Variants in BUB1B observed in about 807,000 individuals in gnomAD.
BUB1B encodes mitotic checkpoint serine/threonine-protein kinase BUB1 beta.
A neutral mutation model predicts 137.7 loss-of-function variants in BUB1B; 86 were observed. That is an observed-to-expected ratio of 0.62 (90% confidence interval 0.52 to 0.75). BUB1B has a LOEUF of 0.75. BUB1B is among the 30% of genes least tolerant of loss of function. The pLI, the probability that BUB1B is intolerant of heterozygous loss-of-function variation, is 0.00. For missense variants in BUB1B, 1,130 were observed against 1,236.9 expected (o/e 0.91, Z 1.30); for synonymous variants, 420 against 417.9 (o/e 1.00, Z -0.06).
Position 40,196,672 on chromosome 15 carries a change from A to G in BUB1B, c.1186A>G (p.Met396Val). The change falls in exon 9 of 23, where the codon ATG becomes GTG. Residue 396 changes from methionine to valine, a missense_variant. Coordinates refer to ENST00000287598, the MANE Select transcript of BUB1B (RefSeq NM_001211.6). ...AGCGTCTGAGGAGAAGAAAGAGAAG[A>G]TGATGTATTGTAAGGAGAAGATTTA... is the stretch of plus-strand genomic sequence containing the variant. Reference protein sequence around the residue: ...QQASEEKKEKMMYCKEKIYAG... With the variant: ...QQASEEKKEKVMYCKEKIYAG... The G allele has an allele frequency of 6.2e-7, 1 of 1,614,060 alleles. No individual in the cohort carries two copies. The highest frequency in any genetic ancestry group is 8.5e-7 in the Non-Finnish European group (1 of 1,179,940).
At chr15:40,192,847 C>T (rs1161494197) in intron 8 of BUB1B, among the ~76,000 whole-genome samples, 9 of 152,122 alleles carry the variant, frequency 5.9e-5, no homozygotes, top group African/African-American at 2.2e-4. Context: ...TTGCGGTAGA[C>T]ATTCATGTGC....
At chr15:40,186,662 G>A (rs1483937054) in intron 8 of BUB1B, among the ~76,000 whole-genome samples, 1 of 150,438 alleles carries the variant, frequency 6.6e-6, no homozygotes, top group Non-Finnish European at 1.5e-5. Flanking sequence ...AGCCAGGATG[G>A]TCTCGATCTC....
rs1457745893 is a variant in BUB1B at position 40,185,271 on chromosome 15, G to T, written c.858G>T (p.Glu286Asp). 6.2e-7 allele frequency: 1 copy of T among 1,614,174 alleles called. No homozygotes were observed. Among genetic ancestry groups the T allele is most frequent in the Admixed American group, 1.7e-5 (1 of 60,026 alleles). ...DENADEASTA[E>D]LSKPTVQPWI... ...ATGCTGATGAGGCTTCTACAGCAGA[G>T]TTGTCTAAGCCTACAGTCCAGCCAT... Residue 286 changes from glutamate to aspartate, a missense_variant, in exon 7 of 23, where the codon GAG becomes GAT. By Grantham distance (45) the Glu-to-Asp change is conservative. Transcript: ENST00000287598.
Position 40,161,074 on chromosome 15 carries a change from C to T in BUB1B, c.-147C>T, listed in dbSNP as rs566995979. The stretch of plus-strand genomic sequence containing the variant: ...GAAACTTGGCGGCTAGGGGTGTGGG[C>T]TTGAGGTGGCCGGTTTGTTAGGGAG... On this transcript the variant is annotated 5_prime_UTR_variant, in exon 1 of 23. Coordinates refer to ENST00000287598, the MANE Select transcript of BUB1B (RefSeq NM_001211.6). 17 of 1,071,820 alleles carry T rather than the reference C, an allele frequency of 1.6e-5. No homozygotes were observed. The South Asian group carries it at 2.1e-4, about 13-fold the overall frequency. 66.4% of individuals were successfully genotyped at this position (1,071,820 alleles called of 1,614,324 possible). A position where few individuals can be genotyped will look rare whatever the true frequency, so the allele number is the denominator to read the frequency against.
At chr15:40,197,514 A>G (rs577220602) in intron 9 of BUB1B, among the ~76,000 whole-genome samples, 1 of 152,326 alleles carries the variant, frequency 6.6e-6, no homozygotes, top group South Asian at 2.1e-4. Context: ...GTCCACTTCC[A>G]TTTAGACATT....
intron 4 of BUB1B, among the ~76,000 whole-genome samples, chr15:40,172,853 A>G (rs2037180167): frequency 6.6e-6 from 1 of 152,258 alleles, no homozygotes; most frequent in Non-Finnish European, 1.5e-5. Context: ...GAAACTTATA[A>G]TGAAGAATGG....
At chr15:40,175,156 A>G (rs2037210812) in intron 4 of BUB1B, among the ~76,000 whole-genome samples, 1 of 152,326 alleles carries the variant, frequency 6.6e-6, no homozygotes, top group Admixed American at 6.5e-5. Flanking sequence ...TCTTAAGGGA[A>G]TAATGTAAAA....
At position 40,170,104 on chromosome 15, in the gene BUB1B, T is replaced by G; in HGVS notation, c.222T>G (p.Pro74=). 1 of 1,613,852 alleles carries G rather than the reference T, an allele frequency of 6.2e-7. No homozygotes were observed. Among genetic ancestry groups the G allele is most frequent in the South Asian group, 1.1e-5 (1 of 91,078 alleles). The change falls in exon 3 of 23, where the codon CCT becomes CCG. Residue 74 remains proline, a synonymous_variant. Transcript: ENST00000287598. ...TTCGATTTTACACTGGAAATGACCC[T>G]CTGGATGTTTGGGATAGGTGGGTCT... ...YEIRFYTGND[P]LDVWDRYISW...
chr15:40,184,553 A>G (rs955523789), intron 6 of BUB1B, among the ~76,000 whole-genome samples: 5 of 152,202 alleles, frequency 3.3e-5, no homozygotes, highest in African/African-American at 1.2e-4. Flanking sequence ...TTTATTTACT[A>G]AATTTATAGC....
At chr15:40,219,291 A>G (rs374919173) in intron 22 of BUB1B, among the ~76,000 whole-genome samples, 1 of 152,162 alleles carries the variant, frequency 6.6e-6, no homozygotes, top group South Asian at 2.1e-4. Flanking sequence ...CTATATGCTA[A>G]TTTTAGGCTA....
intron 2 of BUB1B, among the ~76,000 whole-genome samples, chr15:40,165,734 T>G (rs1243486796): frequency 6.6e-6 from 1 of 152,166 alleles, no homozygotes; most frequent in African/African-American, 2.4e-5. Context: ...AAAAAAAAGG[T>G]AAATCAGAGT....
chr15:40,171,217 G>A (rs749775875), intron 4 of BUB1B, among the ~76,000 whole-genome samples: 3 of 152,182 alleles, frequency 2.0e-5, no homozygotes, highest in Non-Finnish European at 4.4e-5. Context: ...GATTATAGGC[G>A]TGAGCCAACA....
At chr15:40,189,289 A>G (rs909574923) in intron 8 of BUB1B, among the ~76,000 whole-genome samples, 1 of 152,138 alleles carries the variant, frequency 6.6e-6, no homozygotes, top group Non-Finnish European at 1.5e-5. Context: ...CCTTCTGAGT[A>G]TCTGGGACTA....
chr15:40,188,794 G>C (rs551367689), intron 8 of BUB1B, among the ~76,000 whole-genome samples: 16 of 151,898 alleles, frequency 1.1e-4, no homozygotes, highest in Admixed American at 1.0e-3. Context: ...TATTGGCCAG[G>C]CTGGTCTCGA....
intron 9 of BUB1B, among the ~76,000 whole-genome samples, chr15:40,198,610 A>G (rs2037527615): frequency 6.6e-6 from 1 of 152,154 alleles, no homozygotes; most frequent in Non-Finnish European, 1.5e-5. Flanking sequence ...TTTGCGTTGC[A>G]CTTCCAAATC....
At chr15:40,219,916 C>G (rs888262814) in intron 22 of BUB1B, among the ~76,000 whole-genome samples, 3 of 152,028 alleles carry the variant, frequency 2.0e-5, no homozygotes, top group Non-Finnish European at 4.4e-5. Context: ...AGTGTTGTCT[C>G]TTACATGAAC....
At chr15:40,220,424 A>G (rs932308460) in intron 22 of BUB1B, 140 bp from the exon 23 acceptor site, 2 of 838,976 alleles carry the variant, frequency 2.4e-6, no homozygotes, top group Non-Finnish European at 3.7e-6. Flanking sequence ...TCAAAGGACT[A>G]TTTGAATGAT....
rs1467593710 is a variant in BUB1B at position 40,161,195 on chromosome 15, A to T, written c.-26A>T. ...GCCCAGAGGAAAGGCCTGCAGCAGG[A>T]CGAGGACCTGAGCCAGGAATGCAGG... is the stretch of plus-strand genomic sequence containing the variant. On this transcript the variant is annotated 5_prime_UTR_variant, in exon 1 of 23. Coordinates refer to ENST00000287598, the MANE Select transcript of BUB1B (RefSeq NM_001211.6). 1 of 1,612,662 alleles carries T rather than the reference A, an allele frequency of 6.2e-7. No individual in the cohort carries two copies. The highest frequency in any genetic ancestry group is 1.3e-5 in the African/African-American group (1 of 74,902).
chr15:40,212,697 G>T, intron 19 of BUB1B, 49 bp downstream of exon 19: 3 of 1,564,088 alleles, frequency 1.9e-6, no homozygotes, highest in Non-Finnish European at 2.6e-6. Context: ...AGAGAGATTT[G>T]TGCTCCATTT....
Sources: gnomAD v4.1 joint callset for allele counts (sites outside exome capture counted in the v4.1 genomes callset) on GRCh38, gnomAD v4.1.1 for gene constraint, MANE v1.5 for transcripts, NCBI Gene and HGNC (gene_info 2026-07-23, HGNC 2026-07-21) for gene names.